PLCD4: variants seen among roughly 807,000 people sequenced by gnomAD.
PLCD4 encodes the protein phospholipase C delta 4.
PLCD4 carries 63 observed loss-of-function variants against 90.2 expected under a neutral mutation model. The observed-to-expected ratio is 0.70, with a 90% confidence interval of 0.57 to 0.86. The LOEUF is 0.86. Ranked by LOEUF, PLCD4 falls within the 40% of genes least tolerant of loss-of-function variation. PLCD4 has a pLI of 0.00. For missense variants in PLCD4, 830 were observed against 956.3 expected, an observed-to-expected ratio of 0.87 and a Z score of 1.74; for synonymous variants, 294 against 356.5, an observed-to-expected ratio of 0.82 and a Z score of 1.97.
At chr2:218,616,431 C>G (rs1338726043) in intron 3 of PLCD4, among the ~76,000 whole-genome samples, 1 of 152,114 alleles carries the variant, frequency 6.6e-6, no homozygotes, top group Non-Finnish European at 1.5e-5. Flanking sequence ...TAAGCTATGG[C>G]TGGGCATGGT....
chr2:218,620,893 C>CAAA (rs34369545), intron 4 of PLCD4, among the ~76,000 whole-genome samples: 30 of 61,874 alleles, frequency 4.8e-4, no homozygotes, highest in African/African-American at 1.6e-3. Context: ...GACTCTGTCT[C>CAAA]AAAAAAAAAA....
chr2:218,609,456 C>T (rs1232291605), intron 1 of PLCD4: 2 of 152,144 alleles, frequency 1.3e-5, no homozygotes, highest in Non-Finnish European at 2.9e-5. Context: ...ATTTTCGTAT[C>T]TGTATTAGAG....
intron 10 of PLCD4, chr2:218,633,238 G>A: frequency 1.7e-6 from 1 of 604,048 alleles, no homozygotes; most frequent in Non-Finnish European, 2.9e-6. Flanking sequence ...AAATGAGAGG[G>A]AGGGAGGATA....
At chr2:218,625,114 C>T (rs1032748451) in intron 6 of PLCD4, among the ~76,000 whole-genome samples, 3 of 61,920 alleles carry the variant, frequency 4.8e-5, no homozygotes, top group African/African-American at 6.2e-5. Context: ...GACTCTGTTT[C>T]AAAAAAAAAA....
intron 1 of PLCD4, among the ~76,000 whole-genome samples, chr2:218,608,768 G>A (rs1695199883): frequency 6.6e-6 from 1 of 152,078 alleles, no homozygotes; most frequent in South Asian, 2.1e-4. Flanking sequence ...GTAGATTTTT[G>A]GGTAGGGCTA....
At chr2:218,613,998 T>G (rs1695462980) in intron 1 of PLCD4, among the ~76,000 whole-genome samples, 1 of 151,690 alleles carries the variant, frequency 6.6e-6, no homozygotes. Context: ...TCACAGCATA[T>G]ATCTTTTCTT....
intron 3 of PLCD4, among the ~76,000 whole-genome samples, chr2:218,616,962 A>AT (rs1695636993): frequency 3.9e-5 from 4 of 102,374 alleles, no homozygotes; most frequent in African/African-American, 1.3e-4. Context: ...AGAGAGAGAG[A>AT]GAGAGAGAGA....
chr2:218,635,603 G>A (rs1319006784), intron 13 of PLCD4, among the ~76,000 whole-genome samples, 193 bp from the exon 14 acceptor site: 1 of 152,198 alleles, frequency 6.6e-6, no homozygotes, highest in Non-Finnish European at 1.5e-5. Flanking sequence ...GAAGTGTTGG[G>A]ATTACAGGTG....
chr2:218,624,260 C>T (rs556498837), intron 6 of PLCD4, among the ~76,000 whole-genome samples: 118 of 152,258 alleles, frequency 7.7e-4, no homozygotes, highest in Admixed American at 3.4e-3. Flanking sequence ...CATTTATTCA[C>T]TACTTCAATG....
intron 3 of PLCD4, 22 bp downstream of exon 3, chr2:218,616,084 G>T: frequency 6.2e-7 from 1 of 1,610,144 alleles, no homozygotes; most frequent in South Asian, 1.1e-5. Flanking sequence ...GGATAGTGGG[G>T]GGTGGATACA....
Position 218,610,517 on chromosome 2 carries a change from T to A in PLCD4, c.-34+2447T>A, listed in dbSNP as rs570090783. On this transcript the variant is annotated intron_variant, in intron 1 of 15. Coordinates refer to ENST00000450993, the MANE Select transcript of PLCD4 (RefSeq NM_032726.4). ...AGTGACACTCCGTCTCAAAAAAAAA[T>A]AAATAAATAGAAATAAAGAAAATGA... 1.6e-4 allele frequency among the ~76,000 whole-genome samples: 24 copies of A among 150,336 alleles called. 1 individual carries two copies. The highest frequency in any genetic ancestry group is 4.4e-4 in the African/African-American group (18 of 40,574).
At chr2:218,614,736 C>G (rs1695503531) in intron 1 of PLCD4, among the ~76,000 whole-genome samples, 1 of 150,908 alleles carries the variant, frequency 6.6e-6, no homozygotes. Flanking sequence ...CAGGCGTGAG[C>G]CACCGCACCC....
At position 218,634,041 on chromosome 2, in the gene PLCD4, C is replaced by G. The variant is rs1213355981; in HGVS notation, c.1607-64C>G. ...AGAAGGGTGAAGAGTAGGCATGGTCCTTGGGACTAGGGAAGTGGGAGATTC... is the reference window on the plus strand; with the variant it reads ...AGAAGGGTGAAGAGTAGGCATGGTCGTTGGGACTAGGGAAGTGGGAGATTC... On this transcript the variant is annotated intron_variant, in intron 11 of 15. Coordinates refer to ENST00000450993, the MANE Select transcript of PLCD4 (RefSeq NM_032726.4). This position sits in a 1 kb window ranked among gnomAD's most constrained non-coding sequence, Gnocchi z 4.0. 6.5e-6 allele frequency: 10 copies of G among 1,548,104 alleles called. No individual in the cohort carries two copies. The Middle Eastern group carries it at 5.0e-4, about 78-fold the overall frequency.
rs908071341 is a variant in PLCD4 at position 218,635,823 on chromosome 2, G to C, written c.1924G>C (p.Val642Leu). 1.9e-6 allele frequency: 3 copies of C among 1,613,600 alleles called. No homozygotes were observed. The highest frequency in any genetic ancestry group is 2.7e-5 in the African/African-American group (2 of 75,040). The change falls in exon 14 of 16, where the codon GTG becomes CTG. Residue 642 changes from valine (V) to leucine (L), a missense_variant. By Grantham distance (32) the Val-to-Leu change is conservative. Transcript: ENST00000450993. ...GATCAGCGGTCAGCAACTCCCCAAA[G>C]TGGACAAGACCAAAGAGGGGTCCAT... Reference protein sequence around the residue: ...QVISGQQLPKVDKTKEGSIVD... With the variant: ...QVISGQQLPKLDKTKEGSIVD...
In PLCD4 at chr2:218,634,542, T is replaced by G. The variant is rs1559278241; in HGVS notation, c.1808T>G (p.Leu603Arg). ...CAGAATGGCGGCTGTGGCTATGTGCTGAAGCCAGACTTCCTGCGTGATATC... is the reference window on the plus strand; with the variant it reads ...CAGAATGGCGGCTGTGGCTATGTGCGGAAGCCAGACTTCCTGCGTGATATC... ...FRQNGGCGYV[L>R]KPDFLRDIQS... The change falls in exon 13 of 16, where the codon CTG (leucine) becomes CGG (arginine). Residue 603 changes from leucine (L) to arginine (R), a missense_variant. By Grantham distance (102) the Leu-to-Arg change is moderately radical. Coordinates refer to ENST00000450993, the MANE Select transcript of PLCD4 (RefSeq NM_032726.4). The surrounding 1 kb of genome is among the most constrained non-coding windows in gnomAD (Gnocchi z 4.0). 1.2e-6 allele frequency: 2 copies of G among 1,614,078 alleles called. No homozygotes were observed. The highest frequency in any genetic ancestry group is 2.2e-5 in the South Asian group (2 of 91,092).
At chr2:218,611,017 C>A (rs913375491) in intron 1 of PLCD4, among the ~76,000 whole-genome samples, 1 of 152,114 alleles carries the variant, frequency 6.6e-6, no homozygotes, top group Non-Finnish European at 1.5e-5. Flanking sequence ...TGTGAGCTAC[C>A]GTGCCCGGCC....
intron 8 of PLCD4, 47 bp from the exon 9 acceptor site, chr2:218,630,603 C>T: frequency 6.2e-7 from 1 of 1,611,720 alleles, no homozygotes; most frequent in South Asian, 1.1e-5. Context: ...AAGTAGGTTG[C>T]AGTGTTTTAG....
Position 218,636,399 on chromosome 2 carries a change from C to T in PLCD4, c.2182+7C>T, listed in dbSNP as rs182796473. The stretch of plus-strand genomic sequence containing the variant: ...TGGACCTGCATGCAACAAGGTGAGC[C>T]AGCCCCTTTGGCCCCTGGCCAATAC... On this transcript the variant is annotated splice_region_variant and intron_variant, in intron 15 of 15. Coordinates refer to ENST00000450993, the MANE Select transcript of PLCD4 (RefSeq NM_032726.4). The T allele has an allele frequency of 6.2e-7, 1 of 1,614,008 alleles. No individual in the cohort carries two copies. Among genetic ancestry groups the T allele is most frequent in the East Asian group, 2.2e-5 (1 of 44,876 alleles).
chr2:218,616,921 TATATATAGAGAGAGAG>T (rs1304613235), intron 3 of PLCD4, among the ~76,000 whole-genome samples: 15 of 24,950 alleles, frequency 6.0e-4, no homozygotes, highest in African/African-American at 2.3e-3. Flanking sequence ...TATATATATA[TATATATAGAGAGAGAG>T]AGAGAGAGAG....
Sources: gnomAD v4.1 joint callset for allele counts (sites outside exome capture counted in the v4.1 genomes callset) on GRCh38, gnomAD v4.1.1 for gene constraint, Gnocchi (gnomAD v3.1) non-coding constraint, MANE v1.5 for transcripts, NCBI Gene and HGNC (gene_info 2026-07-23, HGNC 2026-07-21) for gene names.